The following LBX1 variants were observed in gnomAD, a reference collection of about 807,000 sequenced individuals.
LBX1 encodes ladybird homeobox 1, also known as transcription factor LBX1.
LBX1 carries 6 observed loss-of-function variants against 19.9 expected under a neutral mutation model. The ratio of observed to expected loss-of-function variants is 0.30; its 90% confidence interval spans 0.17 to 0.60. The LOEUF is 0.60. Ranked by LOEUF, LBX1 falls within the 20% of genes least tolerant of loss-of-function variation. The pLI, the probability that LBX1 is intolerant of heterozygous loss-of-function variation, is 0.87. For synonymous variants in LBX1, 190 were observed against 189.3 expected, an observed-to-expected ratio of 1.00 and a Z score of -0.03; for missense variants, 344 against 393.7, an observed-to-expected ratio of 0.87 and a Z score of 1.07.
Position 101,228,538 on chromosome 10 carries a change from C to T in LBX1, c.278G>A (p.Ser93Asn). ...SPLCALEELA[S>N]KTFKGLEVSV... The stretch of plus-strand genomic sequence containing the variant: ...GACCTCCAGCCCCTTAAACGTCTTG[C>T]TGGCGAGCTCCTCCAGCGCGCACAG... Residue 93 changes from serine to asparagine, a missense_variant, in exon 1 of 2, where the codon AGC becomes AAC. Coordinates refer to ENST00000370193, the MANE Select transcript of LBX1 (RefSeq NM_006562.5). The T allele has an allele frequency of 1.3e-6, 2 of 1,554,994 alleles. No homozygotes were observed. Among genetic ancestry groups the T allele is most frequent in the Non-Finnish European group, 1.7e-6 (2 of 1,149,250 alleles).
chr10:101,227,566 G>A lies in LBX1; in HGVS notation c.550C>T (p.Leu184=). The A allele has an allele frequency of 6.2e-7, 1 of 1,614,192 alleles. No homozygotes were observed. Among genetic ancestry groups the A allele is most frequent in the South Asian group, 1.1e-5 (1 of 91,080 alleles). ...QNRRAKLKRD[L]EEMKADVESA... ...TCTACGTCGGCCTTCATCTCCTCCA[G>A]GTCCCGCTTGAGCTTAGCGCGCCGA... Residue 184 remains leucine, a synonymous_variant, in exon 2 of 2, where the codon CTG becomes TTG. Coordinates refer to ENST00000370193, the MANE Select transcript of LBX1 (RefSeq NM_006562.5).
At position 101,228,552 on chromosome 10, in the gene LBX1, C is replaced by T. The variant is rs779898134; in HGVS notation, c.264G>A (p.Leu88=). ...LLSQTSPLCA[L]EELASKTFKG... is the part of the protein sequence containing the mutation. ...TAAACGTCTTGCTGGCGAGCTCCTC[C>T]AGCGCGCACAGCGGCGAGGTCTGCG... Residue 88 remains leucine, a synonymous_variant, in exon 1 of 2, where the codon CTG becomes CTA. Transcript: ENST00000370193. 43 of 1,554,080 alleles carry T rather than the reference C, an allele frequency of 2.8e-5. No individual in the cohort carries two copies. The South Asian group carries it at 4.8e-4, about 18-fold the overall frequency.
At position 101,229,215 on chromosome 10, in the gene LBX1, G is replaced by GT. The variant is rs1475333205; in HGVS notation, c.-401_-400insA. On this transcript the variant is annotated 5_prime_UTR_variant, in exon 1 of 2. Transcript: ENST00000370193. This position sits in a 1 kb window ranked among gnomAD's most constrained non-coding sequence, Gnocchi z 6.4. ...GCGCCGATCCCGGACTGCGAGGGAGGCGGAGAGACGGGGCAATTGACTATT... is the reference window on the plus strand; with the variant it reads ...GCGCCGATCCCGGACTGCGAGGGAGGTCGGAGAGACGGGGCAATTGACTATT... 6.5e-6 allele frequency: 1 copy of GT among 153,154 alleles called. No individual in the cohort carries two copies. The highest frequency in any genetic ancestry group is 1.5e-5 in the Non-Finnish European group (1 of 68,644). 9.5% of individuals were successfully genotyped at this position (153,154 alleles called of 1,614,324 possible). A position where few individuals can be genotyped will look rare whatever the true frequency, so the allele number is the denominator to read the frequency against.
At position 101,227,532 on chromosome 10, in the gene LBX1, T is replaced by C; in HGVS notation, c.584A>G (p.Lys195Arg). The C allele has an allele frequency of 6.2e-7, 1 of 1,613,884 alleles. No homozygotes were observed. The highest frequency in any genetic ancestry group is 8.5e-7 in the Non-Finnish European group (1 of 1,179,864). The change falls in exon 2 of 2, where the codon AAG becomes AGG. Residue 195 changes from lysine to arginine, a missense_variant. Transcript: ENST00000370193. ...EEMKADVESA[K>R]KLGPSGQMDI... The stretch of plus-strand genomic sequence containing the variant: ...CATCTGCCCGCTGGGGCCCAGTTTC[T>C]TGGCGGACTCTACGTCGGCCTTCAT...
chr10:101,228,422 A>T, intron 1 of LBX1, 69 bp downstream of exon 1: 1 of 1,276,052 alleles, frequency 7.8e-7, no homozygotes. Context: ...GCAGAGGCAT[A>T]GGGGACGAAG....
Position 101,228,817 on chromosome 10 carries a change from T to C in LBX1, c.-2A>G. On this transcript the variant is annotated 5_prime_UTR_variant, in exon 1 of 2. Coordinates refer to ENST00000370193, the MANE Select transcript of LBX1 (RefSeq NM_006562.5). ...CTTGCCGTCCTCCTTGGAAGTCATCTCGGCCTTGTTCGGGGTCCCGGCCGG... is the reference window on the plus strand; with the variant it reads ...CTTGCCGTCCTCCTTGGAAGTCATCCCGGCCTTGTTCGGGGTCCCGGCCGG... 3 of 1,538,488 alleles carry C rather than the reference T, an allele frequency of 1.9e-6. No individual in the cohort carries two copies. Among genetic ancestry groups the C allele is most frequent in the Non-Finnish European group, 2.6e-6 (3 of 1,143,360 alleles).
chr10:101,228,589 C>G lies in LBX1; in HGVS notation c.227G>C (p.Arg76Pro), dbSNP rs887032168. The change falls in exon 1 of 2, where the codon CGC (arginine) becomes CCC (proline). Residue 76 changes from arginine to proline, a missense_variant. By Grantham distance (103) the Arg-to-Pro change is moderately radical. Around this residue, in one of 3 missense-constraint regions of LBX1, gnomAD observed 153 missense variants for 168.9 expected, o/e 0.91. Transcript: ENST00000370193. Reference protein sequence around the residue: ...HAQGGLPLAGRALLSQTSPLC... With the variant: ...HAQGGLPLAGPALLSQTSPLC... ...CGGCGAGGTCTGCGAGAGCAGCGCG[C>G]GGCCCGCCAGGGGCAAGCCGCCCTG... 19 of 1,556,078 alleles carry G rather than the reference C, an allele frequency of 1.2e-5. No individual in the cohort carries two copies. Among genetic ancestry groups the G allele is most frequent in the Non-Finnish European group, 1.7e-5 (19 of 1,150,028 alleles).
chr10:101,227,352 G>A lies in LBX1; in HGVS notation c.764C>T (p.Ala255Val), dbSNP rs1234202199. 6.2e-7 allele frequency: 1 copy of A among 1,608,394 alleles called. No individual in the cohort carries two copies. Among genetic ancestry groups the A allele is most frequent in the Middle Eastern group, 1.9e-4 (1 of 5,268 alleles). Residue 255 changes from alanine (A) to valine (V), a missense_variant, in exon 2 of 2, where the codon GCC becomes GTC. By Grantham distance (64) the Ala-to-Val change is moderately conservative. Around this residue, in one of 3 missense-constraint regions of LBX1, gnomAD observed 146 missense variants for 124.2 expected, o/e 1.18. Coordinates refer to ENST00000370193, the MANE Select transcript of LBX1 (RefSeq NM_006562.5). ...PGAGALQLSPASPLTDQPASS... is the reference protein window; with the variant it reads ...PGAGALQLSPVSPLTDQPASS... Reference sequence around the variant, plus strand: ...GGCCGGCTGGTCCGTGAGCGGAGAGGCAGGCGAGAGCTGCAGGGCGCCAGC... The same window carrying A: ...GGCCGGCTGGTCCGTGAGCGGAGAGACAGGCGAGAGCTGCAGGGCGCCAGC...
chr10:101,227,578 G>A lies in LBX1; in HGVS notation c.538C>T (p.Leu180Phe). The change falls in exon 2 of 2, where the codon CTC becomes TTC. Residue 180 changes from leucine (L) to phenylalanine (F), a missense_variant. This residue lies in a region of LBX1 where 45 missense variants were observed against 100.7 expected (regional missense o/e 0.45). Transcript: ENST00000370193. ...TTCATCTCCTCCAGGTCCCGCTTGA[G>A]CTTAGCGCGCCGATTCTGGAACCAG... ...ITWFQNRRAK[L>F]KRDLEEMKAD... The A allele has an allele frequency of 6.2e-7, 1 of 1,614,222 alleles. No homozygotes were observed. The highest frequency in any genetic ancestry group is 8.5e-7 in the Non-Finnish European group (1 of 1,180,034).
chr10:101,228,015 C>T (rs555244213), intron 1 of LBX1, among the ~76,000 whole-genome samples: 1 of 152,336 alleles, frequency 6.6e-6, no homozygotes, highest in East Asian at 1.9e-4. Context: ...GTTTTGGTCT[C>T]TGCCCCCTAC....
intron 1 of LBX1, 41 bp from the exon 2 acceptor site, chr10:101,227,831 G>C (rs180760746): frequency 6.6e-7 from 1 of 1,521,894 alleles, no homozygotes; most frequent in Admixed American, 2.0e-5. Flanking sequence ...TGGGAGAGAG[G>C]AAGCCCACCC....
chr10:101,228,787 G>T lies in LBX1; in HGVS notation c.29C>A (p.Ala10Glu), dbSNP rs746210714. The T allele has an allele frequency of 6.3e-7, 1 of 1,597,104 alleles. No homozygotes were observed. The highest frequency in any genetic ancestry group is 1.1e-5 in the South Asian group (1 of 88,676). ...GCTGCGCCGCCGCTCCTCCCCCGGC[G>T]CCGCCTTGCCGTCCTCCTTGGAAGT... MTSKEDGKAAPGEERRRSPL... is the reference protein window; with the variant it reads MTSKEDGKAEPGEERRRSPL... Residue 10 changes from alanine to glutamate, a missense_variant, in exon 1 of 2, where the codon GCG becomes GAG. Coordinates refer to ENST00000370193, the MANE Select transcript of LBX1 (RefSeq NM_006562.5).
rs199856457 is a variant in LBX1, at chr10:101,228,675, C to T, written c.141G>A (p.Val47=). 1.9e-5 allele frequency: 30 copies of T among 1,606,448 alleles called. No homozygotes were observed. In the African/African-American group the frequency reaches 3.2e-4, roughly 17 times the overall value. Residue 47 remains valine, a synonymous_variant, in exon 1 of 2, where the codon GTG becomes GTA. Coordinates refer to ENST00000370193, the MANE Select transcript of LBX1 (RefSeq NM_006562.5). ...CCCCGCACAGCGAGTAACTTCTCCG[C>T]ACAGACGGCTTGTTGAGGATGTCCT... ...SIEDILNKPS[V]RRSYSLCGAA... is the part of the protein sequence containing the mutation.
At chr10:101,227,900 A>G (rs538668431) in intron 1 of LBX1, 110 bp from the exon 2 acceptor site, 2 of 1,015,660 alleles carry the variant, frequency 2.0e-6, no homozygotes, top group African/African-American at 3.3e-5. Flanking sequence ...GCAGTCTACC[A>G]ATGTTCCCTT....
At chr10:101,227,870 C>T in intron 1 of LBX1, 80 bp from the exon 2 acceptor site, 1 of 1,362,954 alleles carries the variant, frequency 7.3e-7, no homozygotes. Flanking sequence ...CTCCGTAACC[C>T]ACCCAGGCCT....
rs1941052314 is a variant in LBX1, at chr10:101,227,139, C to T, written c.*131G>A. ...AAGAGGCGGCTGCCAGGAGCCGAGT[C>T]CGGGGCCGGGGACAGGGGAGGAGGC... is the stretch of plus-strand genomic sequence containing the variant. On this transcript the variant is annotated 3_prime_UTR_variant, in exon 2 of 2. Coordinates refer to ENST00000370193, the MANE Select transcript of LBX1 (RefSeq NM_006562.5). 5 of 903,000 alleles carry T rather than the reference C, an allele frequency of 5.5e-6. No homozygotes were observed. In the South Asian group the frequency reaches 7.0e-5, roughly 13 times the overall value. The allele number at this position is 903,000 out of a possible 1,614,324, so 55.9% of individuals were successfully genotyped here.
chr10:101,227,060 C>CCGCT lies in LBX1; in HGVS notation c.*206_*209dup. The CCGCT allele has an allele frequency of 2.0e-6, 1 of 489,824 alleles. No homozygotes were observed. Among genetic ancestry groups the CCGCT allele is most frequent in the Non-Finnish European group, 3.5e-6 (1 of 282,068 alleles). The allele number at this position is 489,824 out of a possible 1,614,324, so 30.3% of individuals were successfully genotyped here. A position where few individuals can be genotyped will look rare whatever the true frequency, so the allele number is the denominator to read the frequency against. On this transcript the variant is annotated 3_prime_UTR_variant, in exon 2 of 2. Transcript: ENST00000370193. The stretch of plus-strand genomic sequence containing the variant: ...GCGAGGGCTTCCGGGGCGGCGGAGG[C>CCGCT]CGCTGGTGGCGGCCGGCCCGGCCGG...
In LBX1 at chr10:101,228,893, G is replaced by C; in HGVS notation, c.-78C>G. On this transcript the variant is annotated 5_prime_UTR_variant, in exon 1 of 2. Transcript: ENST00000370193. Reference sequence around the variant, plus strand: ...CCCGCGGGCAGCTCGGGCGCCGGACGGCGCGGGCAGGCAGCGGCGGGTGGA... The same window carrying C: ...CCCGCGGGCAGCTCGGGCGCCGGACCGCGCGGGCAGGCAGCGGCGGGTGGA... 4.9e-6 allele frequency: 5 copies of C among 1,030,692 alleles called. No individual in the cohort carries two copies. The highest frequency in any genetic ancestry group is 6.3e-6 in the Non-Finnish European group (5 of 796,994). The allele number at this position is 1,030,692 out of a possible 1,614,324, so 63.8% of individuals were successfully genotyped here. A position where few individuals can be genotyped will look rare whatever the true frequency, so the allele number is the denominator to read the frequency against.
Position 101,227,320 on chromosome 10 carries a change from G to C in LBX1, c.796C>G (p.Gln266Glu). The change falls in exon 2 of 2, where the codon CAG becomes GAG. Residue 266 changes from glutamine to glutamate, a missense_variant. Physicochemically the swap from Gln to Glu is conservative, Grantham distance 29. This residue lies in a region of LBX1 where 146 missense variants were observed against 124.2 expected (regional missense o/e 1.18). Coordinates refer to ENST00000370193, the MANE Select transcript of LBX1 (RefSeq NM_006562.5). ...SPLTDQPASS[Q>E]DCSEDEEDEE... The stretch of plus-strand genomic sequence containing the variant: ...TCTTCCTCGTCCTCCGAGCAGTCCT[G>C]GCTGCTGGCCGGCTGGTCCGTGAGC... The C allele has an allele frequency of 6.2e-7, 1 of 1,609,566 alleles. No individual in the cohort carries two copies. Among genetic ancestry groups the C allele is most frequent in the Non-Finnish European group, 8.5e-7 (1 of 1,178,930 alleles).
Sources: allele counts gnomAD v4.1 joint callset (sites outside exome capture counted in the v4.1 genomes callset), GRCh38; gene constraint gnomAD v4.1.1; regional missense constraint gnomAD v4.1.1; non-coding constraint Gnocchi (gnomAD v3.1); transcripts MANE v1.5; gene names NCBI Gene and HGNC (gene_info 2026-07-23, HGNC 2026-07-21).